The following TTC28 variants were observed in gnomAD, a reference collection of about 807,000 sequenced individuals.
The protein encoded by TTC28 is tetratricopeptide repeat domain 28.
A neutral mutation model predicts 198.0 loss-of-function variants in TTC28; 61 were observed. The observed-to-expected ratio is 0.31, with a 90% CI of 0.25 to 0.38. The LOEUF is 0.38. Ranked by LOEUF, TTC28 falls within the 10% of genes least tolerant of loss-of-function variation. The pLI, the probability that TTC28 is intolerant of heterozygous loss-of-function variation, is 1.00. For missense variants in TTC28, 2,678 were observed against 3,164.0 expected (o/e 0.85, Z 3.69); for synonymous variants, 1,171 against 1,297.8 (o/e 0.90, Z 2.10).
At chr22:28,621,662 G>C (rs963595982) in intron 2 of TTC28, among the ~76,000 whole-genome samples, 3 of 150,276 alleles carry the variant, frequency 2.0e-5, no homozygotes, top group African/African-American at 4.9e-5. Context: ...GGGATCACCT[G>C]AGCCCAGGAG....
intron 5 of TTC28, among the ~76,000 whole-genome samples, chr22:28,284,388 G>T (rs1424635529): frequency 6.6e-6 from 1 of 152,150 alleles, no homozygotes; most frequent in Non-Finnish European, 1.5e-5. Context: ...CAAACTAACA[G>T]ATTGATATCA....
chr22:28,588,258 C>A (rs531071678), intron 2 of TTC28, among the ~76,000 whole-genome samples: 1 of 151,936 alleles, frequency 6.6e-6, no homozygotes, highest in Non-Finnish European at 1.5e-5. Context: ...ACATACTTTC[C>A]GTCATCAGGA....
At chr22:28,359,640 T>C (rs74658247) in intron 2 of TTC28, among the ~76,000 whole-genome samples, 2,197 of 152,288 alleles carry the variant, frequency 0.014, 69 homozygotes, top group African/African-American at 0.05. Flanking sequence ...TATATGGATA[T>C]ATATCAAGAA....
intron 5 of TTC28, among the ~76,000 whole-genome samples, chr22:28,242,481 A>G (rs1380681366): frequency 6.6e-6 from 1 of 152,228 alleles, no homozygotes; most frequent in Non-Finnish European, 1.5e-5. Flanking sequence ...GAGAGGTTGT[A>G]CACTTAGATT....
intron 2 of TTC28, among the ~76,000 whole-genome samples, chr22:28,453,929 T>C (rs2047821126): frequency 1.3e-5 from 2 of 152,220 alleles, no homozygotes; most frequent in Admixed American, 6.5e-5. Context: ...ATACATGATC[T>C]AGCCTCTACT....
intron 2 of TTC28, among the ~76,000 whole-genome samples, chr22:28,447,632 G>C (rs2047722267): frequency 1.3e-5 from 2 of 152,160 alleles, no homozygotes; most frequent in Admixed American, 1.3e-4. Flanking sequence ...CCTGTAGACT[G>C]AAGTCTCGGT....
intron 2 of TTC28, among the ~76,000 whole-genome samples, chr22:28,349,724 A>G (rs1013669039): frequency 4.6e-5 from 7 of 152,242 alleles, no homozygotes; most frequent in African/African-American, 1.7e-4. Context: ...ATTAAAGTGT[A>G]TTAGAAACAT....
intron 2 of TTC28, among the ~76,000 whole-genome samples, chr22:28,467,608 A>C (rs2048039424): frequency 6.6e-6 from 1 of 152,230 alleles, no homozygotes; most frequent in Non-Finnish European, 1.5e-5. Context: ...AAGTGCTAGC[A>C]ATTGACAGAT....
At chr22:28,428,509 T>C (rs1324725487) in intron 2 of TTC28, among the ~76,000 whole-genome samples, 2 of 152,208 alleles carry the variant, frequency 1.3e-5, no homozygotes, top group African/African-American at 4.8e-5. Flanking sequence ...ATAATTCATT[T>C]TCTATTCTGA....
At chr22:28,512,352 T>C (rs1032247205) in intron 2 of TTC28, among the ~76,000 whole-genome samples, 3 of 152,212 alleles carry the variant, frequency 2.0e-5, no homozygotes, top group Non-Finnish European at 2.9e-5. Context: ...TCAACCATTA[T>C]GGAAGACGGT....
chr22:28,081,647 C>T lies in TTC28; in HGVS notation c.3932+12433G>A, dbSNP rs1404323044. Among the ~76,000 whole-genome samples the T allele has an allele frequency of 2.0e-5, 3 of 152,066 alleles. No homozygotes were observed. The East Asian group carries it at 5.8e-4, about 29-fold the overall frequency. On this transcript the variant is annotated intron_variant, in intron 12 of 22. Coordinates refer to ENST00000397906, the MANE Select transcript of TTC28 (RefSeq NM_001145418.2). ...AGCTGGGATTACAGGCGTGCGCCACCTTGCCCAGCTAATTTTGTACATTTA... is the reference window on the plus strand; with the variant it reads ...AGCTGGGATTACAGGCGTGCGCCACTTTGCCCAGCTAATTTTGTACATTTA...
chr22:27,994,261 T>C (rs1281155424), intron 17 of TTC28, among the ~76,000 whole-genome samples: 3 of 141,406 alleles, frequency 2.1e-5, no homozygotes, highest in African/African-American at 7.9e-5. Flanking sequence ...CAGAGCAACA[T>C]AGCGAGACCC....
At chr22:28,197,299 A>G (rs1357701289) in intron 5 of TTC28, among the ~76,000 whole-genome samples, 1 of 151,134 alleles carries the variant, frequency 6.6e-6, no homozygotes, top group African/African-American at 2.4e-5. Flanking sequence ...GAGGAGAGGG[A>G]TAGCATTAAG....
intron 5 of TTC28, among the ~76,000 whole-genome samples, chr22:28,229,949 A>T (rs1379526390): frequency 6.6e-6 from 1 of 152,198 alleles, no homozygotes; most frequent in Non-Finnish European, 1.5e-5. Context: ...TAATGGCTTC[A>T]TGAAGTGGTA....
chr22:28,371,881 CAAA>C lies in TTC28; in HGVS notation c.382-65241_382-65239del, dbSNP rs55908260. ...AGGCGTGAGCCACTGCACCCAGCCC[CAAA>C]AAAAAAAAAAATTTTTTTAATGAAT... is the stretch of plus-strand genomic sequence containing the variant. On this transcript the variant is annotated intron_variant, in intron 2 of 22. Transcript: ENST00000397906. Among the ~76,000 whole-genome samples, 820 of 147,542 alleles carry C rather than the reference CAAA, an allele frequency of 5.6e-3. 11 individuals carry two copies. The highest frequency in any genetic ancestry group is 0.015 in the Admixed American group (224 of 14,908).
rs977562380 is a variant in TTC28, at chr22:28,297,533, C to T, written c.802+47G>A. 1.0e-5 allele frequency: 16 copies of T among 1,527,132 alleles called. No homozygotes were observed. The African/African-American group carries it at 1.9e-4, about 19-fold the overall frequency. 94.6% of individuals were successfully genotyped at this position (1,527,132 alleles called of 1,614,324 possible). ...TTCTCATTCATGTCATGTTACTCAG[C>T]TTTCTTTGTTCCCTTTCTGCACTGA... On this transcript the variant is annotated intron_variant, in intron 4 of 22. Coordinates refer to ENST00000397906, the MANE Select transcript of TTC28 (RefSeq NM_001145418.2).
intron 2 of TTC28, among the ~76,000 whole-genome samples, chr22:28,521,181 T>C (rs2048898673): frequency 6.6e-6 from 1 of 151,982 alleles, no homozygotes; most frequent in Admixed American, 6.6e-5. Flanking sequence ...AGAGGATAGC[T>C]TGAGGCCAGG....
chr22:28,015,117 T>A (rs969500733), intron 13 of TTC28, among the ~76,000 whole-genome samples: 1 of 152,376 alleles, frequency 6.6e-6, no homozygotes, highest in East Asian at 1.9e-4. Flanking sequence ...ATTCATTCAT[T>A]CACTCATTCA....
intron 2 of TTC28, among the ~76,000 whole-genome samples, chr22:28,514,991 G>A (rs951932498): frequency 1.1e-4 from 16 of 152,236 alleles, no homozygotes; most frequent in African/African-American, 3.6e-4. Context: ...TTTGAATAAC[G>A]AAGTGAATAC....
Sources: gnomAD v4.1 joint callset for allele counts (sites outside exome capture counted in the v4.1 genomes callset) on GRCh38, gnomAD v4.1.1 for gene constraint, MANE v1.5 for transcripts, NCBI Gene and HGNC (gene_info 2026-07-23, HGNC 2026-07-21) for gene names.